ENTPD5: variants seen among roughly 807,000 people sequenced by gnomAD.
ENTPD5 encodes the protein ectonucleoside triphosphate diphosphohydrolase 5 (inactive).
ENTPD5 carries 49 observed loss-of-function variants against 60.2 expected under a neutral mutation model. That is an observed-to-expected ratio of 0.81 (90% CI 0.65 to 1.03). The LOEUF is 1.03. ENTPD5 is among the 50% of genes least tolerant of loss of function. The pLI, the probability that ENTPD5 is intolerant of heterozygous loss-of-function variation, is 0.00. For missense variants in ENTPD5, 480 were observed against 507.6 expected, an observed-to-expected ratio of 0.95 and a Z score of 0.52; for synonymous variants, 187 against 185.4, an observed-to-expected ratio of 1.01 and a Z score of -0.07.
downstream of ENTPD5, chr14:73,961,309 G>C (rs199913054): frequency 6.2e-7 from 1 of 1,614,174 alleles, no homozygotes; most frequent in Non-Finnish European, 8.5e-7. Flanking sequence ...GCCAAAAGCC[G>C]AGTTCTGTTT....
rs1341908439 is a variant in ENTPD5 at position 73,963,374 on chromosome 14, A to G, written c.*3554T>C. The stretch of plus-strand genomic sequence containing the variant: ...AATTTATACAGTTGTTTTTTGATAG[A>G]GGTAAGAATTAGACTCGATGCATTT... On this transcript the variant is annotated 3_prime_UTR_variant, in exon 16 of 16. Transcript: ENST00000334696. 5 of 359,536 alleles carry G rather than the reference A, an allele frequency of 1.4e-5. No individual in the cohort carries two copies. The highest frequency in any genetic ancestry group is 1.0e-4 in the African/African-American group (5 of 47,656). 22.3% of individuals were successfully genotyped at this position (359,536 alleles called of 1,614,324 possible). A position where few individuals can be genotyped will look rare whatever the true frequency, so the allele number is the denominator to read the frequency against.
At chr14:74,000,747 C>T (rs1594935881) in intron 3 of ENTPD5, among the ~76,000 whole-genome samples, 1 of 152,122 alleles carries the variant, frequency 6.6e-6, no homozygotes, top group African/African-American at 2.4e-5. Flanking sequence ...CACTGCACTC[C>T]AGCCTGGGCA....
chr14:73,962,978 T>A (rs1350433286), downstream of ENTPD5: 1 of 1,609,624 alleles, frequency 6.2e-7, no homozygotes, highest in Non-Finnish European at 8.5e-7. Context: ...AGGAACAGAT[T>A]ATGGCCTTTG....
At chr14:73,992,773 C>A (rs746367747) in intron 3 of ENTPD5, among the ~76,000 whole-genome samples, 1 of 150,566 alleles carries the variant, frequency 6.6e-6, no homozygotes, top group Non-Finnish European at 1.5e-5. Flanking sequence ...GAGGCCGAGG[C>A]GGGCGGATCA....
In ENTPD5 at chr14:73,986,903, C is replaced by T. The variant is rs775847939; in HGVS notation, c.218-10G>A. The T allele has an allele frequency of 3.1e-6, 5 of 1,610,262 alleles. No individual in the cohort carries two copies. The highest frequency in any genetic ancestry group is 3.4e-6 in the Non-Finnish European group (4 of 1,176,544). On this transcript the variant is annotated splice_polypyrimidine_tract_variant and intron_variant, in intron 4 of 15. Transcript: ENST00000334696. ...AGAATTGGAAGCTGTCCTATTTTGT[C>T]CATGGAACAAAACAGAAGAGAGAGC...
downstream of ENTPD5, chr14:73,956,276 C>T (rs930318364): frequency 2.4e-5 from 7 of 293,858 alleles, no homozygotes; most frequent in Admixed American, 4.2e-5. Context: ...TGCAGTGAGC[C>T]GAGATCACGC....
chr14:74,007,470 T>C (rs2058715062), intron 3 of ENTPD5, among the ~76,000 whole-genome samples: 1 of 151,458 alleles, frequency 6.6e-6, no homozygotes, highest in African/African-American at 2.4e-5. Flanking sequence ...TGCAGTGAGC[T>C]GAGATCACGC....
intron 6 of ENTPD5, among the ~76,000 whole-genome samples, chr14:73,977,883 T>A (rs1264209815): frequency 6.6e-6 from 1 of 152,188 alleles, no homozygotes; most frequent in Non-Finnish European, 1.5e-5. Flanking sequence ...AGACTCCAGA[T>A]CTAGACTTAA....
intron 3 of ENTPD5, among the ~76,000 whole-genome samples, chr14:74,009,630 A>T (rs1050235408): frequency 6.6e-6 from 1 of 152,156 alleles, no homozygotes; most frequent in African/African-American, 2.4e-5. Flanking sequence ...TTTTAAAAAA[A>T]TTTAATTTTA....
intron 3 of ENTPD5, chr14:73,996,336 A>C (rs1451137740): frequency 3.7e-6 from 1 of 272,786 alleles, no homozygotes; most frequent in Non-Finnish European, 5.6e-6. Context: ...ATCTACTTTT[A>C]TCATAGTTAA....
downstream of ENTPD5, among the ~76,000 whole-genome samples, chr14:73,957,000 G>A (rs1029387850): frequency 1.7e-4 from 26 of 152,118 alleles, no homozygotes; most frequent in African/African-American, 6.0e-4. Flanking sequence ...CACCAAAGCT[G>A]TAATTGCAGT....
intron 3 of ENTPD5, among the ~76,000 whole-genome samples, chr14:73,997,297 T>C (rs759785772): frequency 3.3e-5 from 5 of 152,152 alleles, no homozygotes; most frequent in Admixed American, 2.6e-4. Flanking sequence ...TCCTTTCCCA[T>C]AGTGAGATTG....
intron 14 of ENTPD5, 120 bp from the exon 15 acceptor site, chr14:73,970,245 A>G (rs1435798600): frequency 1.6e-6 from 1 of 623,192 alleles, no homozygotes; most frequent in African/African-American, 1.8e-5. Context: ...TAATCCTAGC[A>G]CTTTGGGAGG....
At chr14:73,958,684 T>C (rs1242203749), downstream of ENTPD5, 3 of 1,338,380 alleles carry the variant, frequency 2.2e-6, no homozygotes, top group Non-Finnish European at 2.9e-6. Flanking sequence ...GTGTGCCCCA[T>C]ACTGAAACTT....
chr14:73,961,556 A>C, downstream of ENTPD5: 1 of 1,614,160 alleles, frequency 6.2e-7, no homozygotes, highest in Admixed American at 1.7e-5. Flanking sequence ...GCAGCCTTCA[A>C]TGGGAAGGAC....
chr14:73,962,038 C>G, downstream of ENTPD5: 1 of 1,038,378 alleles, frequency 9.6e-7, no homozygotes, highest in Non-Finnish European at 1.4e-6. Context: ...GCCTCTGCCT[C>G]CCAGGTTCAA....
intron 2 of ENTPD5, among the ~76,000 whole-genome samples, chr14:74,012,083 C>A (rs1751274603): frequency 6.6e-6 from 1 of 152,096 alleles, no homozygotes; most frequent in Non-Finnish European, 1.5e-5. Flanking sequence ...ACTATAAGGT[C>A]TCCAAAGTAA....
chr14:73,989,755 C>T lies in ENTPD5; in HGVS notation c.-70-1583G>A, dbSNP rs2058056981. On this transcript the variant is annotated intron_variant, in intron 3 of 15. Transcript: ENST00000334696. ...GGCTAAGGCAGGAGAATCTCTTGAA[C>T]CCGGGAGGCAGAGGTTGTAGCGAGC... is the stretch of plus-strand genomic sequence containing the variant. 2.7e-5 allele frequency among the ~76,000 whole-genome samples: 4 copies of T among 148,864 alleles called. No homozygotes were observed. In the South Asian group the frequency reaches 8.5e-4, roughly 32 times the overall value.
At chr14:73,959,370 T>G (rs201900750), downstream of ENTPD5, 1 of 1,614,222 alleles carries the variant, frequency 6.2e-7, no homozygotes. Context: ...AGTTTCCAAG[T>G]GCAGCAGAGT....
Sources: allele counts gnomAD v4.1 joint callset (sites outside exome capture counted in the v4.1 genomes callset), GRCh38; gene constraint gnomAD v4.1.1; transcripts MANE v1.5; gene names NCBI Gene and HGNC (gene_info 2026-07-23, HGNC 2026-07-21).